TYR: variants seen among roughly 807,000 people sequenced by gnomAD.
TYR encodes the protein tyrosinase.
Under a neutral mutation model 51.5 loss-of-function variants are expected in TYR, and 58 were observed. The ratio of observed to expected loss-of-function variants is 1.13; its 90% CI spans 0.91 to 1.40. The LOEUF is 1.40. TYR is among the 40% of genes most tolerant of loss of function. The pLI is 0.00. For synonymous variants in TYR, 263 were observed against 235.2 expected (o/e 1.12, Z -1.08); for missense variants, 732 against 647.4 (o/e 1.13, Z -1.42).
At chr11:89,188,819 T>C (rs1375329022) in intron 1 of TYR, among the ~76,000 whole-genome samples, 2 of 150,298 alleles carry the variant, frequency 1.3e-5, no homozygotes, top group Non-Finnish European at 3.0e-5. Flanking sequence ...TGCATAAGAG[T>C]GATTGGTGAG....
intron 2 of TYR, among the ~76,000 whole-genome samples, chr11:89,197,248 A>C (rs1943532368): frequency 6.6e-6 from 1 of 152,128 alleles, no homozygotes; most frequent in Non-Finnish European, 1.5e-5. Context: ...AAGAGATGTA[A>C]GGAGTTTAGA....
At chr11:89,273,749 A>G (rs76750573) in intron 3 of TYR, among the ~76,000 whole-genome samples, 14,133 of 151,416 alleles carry the variant, frequency 0.093, 773 homozygotes, top group South Asian at 0.16. Flanking sequence ...AAACAACATA[A>G]TTTTTTTTTC....
chr11:89,289,905 C>A (rs936750071), intron 4 of TYR, among the ~76,000 whole-genome samples: 1 of 151,978 alleles, frequency 6.6e-6, no homozygotes, highest in African/African-American at 2.4e-5. Flanking sequence ...ATGAAATTAT[C>A]ATTCTATCAT....
At chr11:89,251,782 G>A (rs1167696894) in intron 3 of TYR, among the ~76,000 whole-genome samples, 5 of 151,812 alleles carry the variant, frequency 3.3e-5, no homozygotes, top group Non-Finnish European at 5.9e-5. Flanking sequence ...TTGCTTTGGA[G>A]AACGGAAATA....
At chr11:89,282,082 G>T (rs1210916940) in intron 3 of TYR, among the ~76,000 whole-genome samples, 1 of 151,824 alleles carries the variant, frequency 6.6e-6, no homozygotes, top group African/African-American at 2.4e-5. Flanking sequence ...ATTTGAAAAG[G>T]TTGATGAGGT....
chr11:89,178,940 A>G (rs1474265584), intron 1 of TYR, among the ~76,000 whole-genome samples, 168 bp downstream of exon 1: 2 of 152,118 alleles, frequency 1.3e-5, no homozygotes, highest in African/African-American at 2.4e-5. Flanking sequence ...CCTTTATAGC[A>G]CACTTTAGAT....
rs140227800 is a variant in TYR, at chr11:89,245,444, T to C, written c.1184+17474T>C. 1.9e-3 allele frequency among the ~76,000 whole-genome samples: 287 copies of C among 152,242 alleles called. 3 individuals carry two copies. The highest frequency in any genetic ancestry group is 0.019 in the East Asian group (96 of 5,166). On this transcript the variant is annotated intron_variant, in intron 3 of 4. Transcript: ENST00000263321. ...ATAGAAGGAAAGTGTATATTGGATATAGACAAAGAAAGTATACTCTTCCTC... is the reference window on the plus strand; with the variant it reads ...ATAGAAGGAAAGTGTATATTGGATACAGACAAAGAAAGTATACTCTTCCTC...
chr11:89,284,898 A>G lies in TYR; in HGVS notation c.1310A>G (p.Asp437Gly). ...TTTATACCACTGTACAGAAATGGTG[A>G]TTTCTTTATTTCATCCAAAGATCTG... ...VPFIPLYRNG[D>G]FFISSKDLGY... Residue 437 changes from aspartate to glycine, a missense_variant, in exon 4 of 5, where the codon GAT becomes GGT. Asp to Gly is a moderately conservative substitution (Grantham distance 94). Transcript: ENST00000263321. The G allele has an allele frequency of 2.5e-6, 4 of 1,611,800 alleles. No homozygotes were observed. Among genetic ancestry groups the G allele is most frequent in the Non-Finnish European group, 3.4e-6 (4 of 1,178,486 alleles).
intron 3 of TYR, among the ~76,000 whole-genome samples, chr11:89,266,586 A>AT (rs970424929): frequency 3.3e-5 from 5 of 151,814 alleles, no homozygotes; most frequent in Admixed American, 6.6e-5. Context: ...TCTATGCACC[A>AT]TTTTTTCACA....
intron 3 of TYR, among the ~76,000 whole-genome samples, chr11:89,243,421 A>AGCTTTCTCCACTTCCCCAAGGT (rs1156590274): frequency 6.6e-6 from 1 of 152,174 alleles, no homozygotes; most frequent in Non-Finnish European, 1.5e-5. Context: ...TTGTCAGTGC[A>AGCTTTCTCCACTTCCCCAAGGT]GCTTTCTCCA....
intron 3 of TYR, among the ~76,000 whole-genome samples, chr11:89,263,068 A>G (rs989632618): frequency 9.2e-5 from 14 of 151,764 alleles, no homozygotes; most frequent in Non-Finnish European, 1.9e-4. Flanking sequence ...AAACTACAGA[A>G]CAATAACACT....
rs1314294588 is a variant in TYR at position 89,178,790 on chromosome 11, T to C, written c.819+18T>C. ...CTTGGCAGGTAAGATATGCTAGATA[T>C]ACGATGTCAGAGTAGGGAGGAACCT... On this transcript the variant is annotated intron_variant, in intron 1 of 4. Transcript: ENST00000263321. 4.3e-6 allele frequency: 7 copies of C among 1,612,864 alleles called. No homozygotes were observed. The highest frequency in any genetic ancestry group is 2.2e-5 in the East Asian group (1 of 44,880).
intron 3 of TYR, among the ~76,000 whole-genome samples, chr11:89,258,178 T>G (rs1316696688): frequency 6.6e-6 from 1 of 152,046 alleles, no homozygotes; most frequent in Non-Finnish European, 1.5e-5. Flanking sequence ...CTCAAATGGA[T>G]TCTATCTGAA....
At chr11:89,241,499 T>C (rs1408388320) in intron 3 of TYR, among the ~76,000 whole-genome samples, 1 of 152,090 alleles carries the variant, frequency 6.6e-6, no homozygotes, top group Non-Finnish European at 1.5e-5. Flanking sequence ...TTAAATATTA[T>C]ATTCAATCAT....
chr11:89,245,067 G>A (rs1194616604), intron 3 of TYR, among the ~76,000 whole-genome samples: 3 of 152,096 alleles, frequency 2.0e-5, no homozygotes, highest in Admixed American at 1.3e-4. Flanking sequence ...ATGAATAGCC[G>A]TTTGATACTA....
At chr11:89,194,524 A>G (rs1027970685) in intron 2 of TYR, among the ~76,000 whole-genome samples, 1 of 152,182 alleles carries the variant, frequency 6.6e-6, no homozygotes, top group Non-Finnish European at 1.5e-5. Flanking sequence ...CTCACCTCTT[A>G]TCACAATTTC....
intron 3 of TYR, among the ~76,000 whole-genome samples, chr11:89,230,119 C>T (rs1565405919): frequency 6.6e-6 from 1 of 152,016 alleles, no homozygotes. Flanking sequence ...CATCATATTT[C>T]CTGATTTCAA....
At chr11:89,197,212 A>C (rs1014106701) in intron 2 of TYR, among the ~76,000 whole-genome samples, 1 of 152,148 alleles carries the variant, frequency 6.6e-6, no homozygotes, top group African/African-American at 2.4e-5. Flanking sequence ...CGTGGCTAGA[A>C]TATTGAGTTT....
rs367543066 is a variant in TYR at position 89,178,504 on chromosome 11, C to G, written c.551C>G (p.Ser184Ter). ...TTTGTCTGGATGCATTATTATGTGT[C>G]AATGGATGCACTGCTTGGGGGATCT... ...DLFVWMHYYV[S>*]MDALLGGSEI... The change falls in exon 1 of 5, where the codon TCA (serine) becomes TGA (stop). Residue 184 changes from serine (S) to a stop codon, truncating the protein, a stop_gained. Coordinates refer to ENST00000263321, the MANE Select transcript of TYR (RefSeq NM_000372.5). LOFTEE classifies it high-confidence loss of function. The G allele has an allele frequency of 1.2e-6, 2 of 1,614,006 alleles. No homozygotes were observed. The highest frequency in any genetic ancestry group is 1.7e-5 in the Admixed American group (1 of 59,992).
Sources: gnomAD v4.1 joint callset for allele counts (sites outside exome capture counted in the v4.1 genomes callset) on GRCh38, gnomAD v4.1.1 for gene constraint, MANE v1.5 for transcripts, NCBI Gene and HGNC (gene_info 2026-07-23, HGNC 2026-07-21) for gene names.